The following TTLL13 variants were observed in gnomAD, a reference collection of about 807,000 sequenced individuals.
TTLL13 encodes tubulin tyrosine ligase like 13, also known as tubulin polyglutamylase TTLL13.
chr15:90,257,131 C>T, the TTLL13 span: 2 of 1,612,034 alleles, frequency 1.2e-6, no homozygotes, highest in Non-Finnish European at 1.7e-6. Context: ...GGTTTGCATG[C>T]TCCCAGCCCC....
At chr15:90,264,200 C>G in the TTLL13 span, 4 of 605,980 alleles carry the variant, frequency 6.6e-6, no homozygotes, top group Non-Finnish European at 1.1e-5. Flanking sequence ...TTATTTACTC[C>G]TTTTTTTTTG....
the TTLL13 span, chr15:90,262,586 G>A: frequency 1.6e-4 from 239 of 1,534,722 alleles, no homozygotes; most frequent in Non-Finnish European, 2.0e-4. Context: ...GGGTGAATCA[G>A]CTGGGGAGAA....
chr15:90,259,788 T>C, the TTLL13 span, among the ~76,000 whole-genome samples: 1 of 152,216 alleles, frequency 6.6e-6, no homozygotes, highest in African/African-American at 2.4e-5. Context: ...TAGAGAATCG[T>C]TTACATCCGT....
At chr15:90,254,308 CA>C in the TTLL13 span, among the ~76,000 whole-genome samples, 2 of 151,582 alleles carry the variant, frequency 1.3e-5, no homozygotes, top group African/African-American at 4.8e-5. Context: ...GCCTGACCAA[CA>C]GGGTAAAACC....
At chr15:90,264,716 G>A in the TTLL13 span, 44 of 1,535,674 alleles carry the variant, frequency 2.9e-5, no homozygotes, top group Middle Eastern at 1.7e-4. Context: ...TGTTTCCACT[G>A]CAGAAGGACA....
the TTLL13 span, chr15:90,262,493 C>A: frequency 6.8e-7 from 1 of 1,479,784 alleles, no homozygotes; most frequent in Non-Finnish European, 8.9e-7. Context: ...TCTTGTCAGG[C>A]AGCAACTAGA....
At chr15:90,253,232 TCTCC>T in the TTLL13 span, 3 of 1,603,384 alleles carry the variant, frequency 1.9e-6, 1 homozygote, top group African/African-American at 4.0e-5. Flanking sequence ...GCACTACTGA[TCTCC>T]CTGTCTCTGC....
At chr15:90,250,959 G>C in the TTLL13 span, 1 of 1,539,962 alleles carries the variant, frequency 6.5e-7, no homozygotes, top group Non-Finnish European at 8.7e-7. Context: ...TCAACATCTG[G>C]AGGAGCTGGG....
the TTLL13 span, among the ~76,000 whole-genome samples, chr15:90,253,939 G>A: frequency 2.0e-5 from 3 of 152,194 alleles, no homozygotes; most frequent in Non-Finnish European, 4.4e-5. Flanking sequence ...AGGAAGTTGA[G>A]GAAATTAAAA....
At chr15:90,250,964 G>C in the TTLL13 span, 1 of 1,527,396 alleles carries the variant, frequency 6.5e-7, no homozygotes, top group Non-Finnish European at 8.8e-7. Flanking sequence ...ATCTGGAGGA[G>C]CTGGGATCTC....
chr15:90,256,031 G>T, the TTLL13 span: 1 of 1,558,144 alleles, frequency 6.4e-7, no homozygotes, highest in Admixed American at 1.8e-5. Flanking sequence ...GAGGGTCTGA[G>T]ACTGAGTGCT....
At chr15:90,253,365 C>T in the TTLL13 span, 1 of 1,611,042 alleles carries the variant, frequency 6.2e-7, no homozygotes. Flanking sequence ...GAAGAGGTTT[C>T]AGGTACCCAT....
chr15:90,265,411 C>A, the TTLL13 span: 1 of 1,270,740 alleles, frequency 7.9e-7, no homozygotes, highest in African/African-American at 1.6e-5. Context: ...GCCTGGGCAG[C>A]CGCTGGGGCG....
the TTLL13 span, chr15:90,264,160 G>C: frequency 1.4e-6 from 1 of 705,566 alleles, no homozygotes; most frequent in Non-Finnish European, 2.3e-6. Context: ...ACTTCCACCA[G>C]TGTAAGAATG....
chr15:90,251,562 C>T, the TTLL13 span: 5 of 1,614,022 alleles, frequency 3.1e-6, no homozygotes, highest in South Asian at 2.2e-5. Flanking sequence ...AGATCACTGG[C>T]CATCAACCTG....
At chr15:90,256,545 T>TTTTTC in the TTLL13 span, among the ~76,000 whole-genome samples, 7 of 105,392 alleles carry the variant, frequency 6.6e-5, no homozygotes, top group Non-Finnish European at 1.2e-4. Context: ...TCTCCTTCCT[T>TTTTTC]TTTCTTTCTT....
At chr15:90,263,544 A>G in the TTLL13 span, 1 of 550,526 alleles carries the variant, frequency 1.8e-6, no homozygotes, top group Non-Finnish European at 3.2e-6. Flanking sequence ...TTGGGCCAAC[A>G]AAAGAGCTGC....
chr15:90,250,956 C>T, the TTLL13 span: 440,374 of 1,548,816 alleles, frequency 0.28, 69,314 homozygotes, highest in East Asian at 0.66. Flanking sequence ...CCTTCAACAT[C>T]TGGAGGAGCT....
At chr15:90,253,288 G>A in the TTLL13 span, 1 of 1,613,856 alleles carries the variant, frequency 6.2e-7, no homozygotes, top group Non-Finnish European at 8.5e-7. Flanking sequence ...AAGGAGGTGG[G>A]GGAGGATGAA....
Sources: allele counts gnomAD v4.1 joint callset (sites outside exome capture counted in the v4.1 genomes callset), GRCh38; gene constraint gnomAD v4.1.1; transcripts MANE v1.5; gene names NCBI Gene and HGNC (gene_info 2026-07-23, HGNC 2026-07-21).